Variants in TMED3 observed in about 807,000 individuals in gnomAD.
The protein encoded by TMED3 is transmembrane p24 trafficking protein 3, also known as transmembrane emp24 domain-containing protein 3.
TMED3 carries 9 observed loss-of-function variants against 15.0 expected under a neutral mutation model. That is an observed-to-expected ratio of 0.60 (90% CI 0.36 to 1.04). The LOEUF is 1.04. TMED3 is among the 50% of genes least tolerant of loss of function. The pLI, the probability that TMED3 is intolerant of heterozygous loss-of-function variation, is 0.01. For missense variants in TMED3, 267 were observed against 278.9 expected, an observed-to-expected ratio of 0.96 and a Z score of 0.30; for synonymous variants, 117 against 121.4, an observed-to-expected ratio of 0.96 and a Z score of 0.24.
chr15:79,370,244 C>T (rs1893312189), intron 2 of TMED3, among the ~76,000 whole-genome samples: 1 of 150,178 alleles, frequency 6.7e-6, no homozygotes, highest in African/African-American at 2.5e-5. Context: ...CATGGGCCAC[C>T]ATGCCCAGCT....
rs1002747466 is a variant in TMED3, at chr15:79,336,718, A to C, written c.417+22713A>C. On this transcript the variant is annotated intron_variant, in intron 2 of 2. Coordinates refer to the TMED3 transcript ENST00000424155. ...ACAAACAAACAAACAAACAAACACA[A>C]AAAACAAACAAAGAAAAAAACACAT... Among the ~76,000 whole-genome samples the C allele has an allele frequency of 1.8e-4, 22 of 124,476 alleles. 1 individual carries two copies. The highest frequency in any genetic ancestry group is 8.7e-4 in the South Asian group (3 of 3,468). The allele number at this position is 124,476 out of a possible 152,430, so 81.7% of individuals were successfully genotyped here.
rs1329245665 is a variant in TMED3 at position 79,322,003 on chromosome 15, A to T, written c.443A>T (p.His148Leu). 3 of 1,614,216 alleles carry T rather than the reference A, an allele frequency of 1.9e-6. No individual in the cohort carries two copies. The African/African-American group carries it at 4.0e-5, about 22-fold the overall frequency. Residue 148 changes from histidine to leucine, a missense_variant, in exon 3 of 3, where the codon CAT (histidine) becomes CTT (leucine). Transcript: ENST00000299705. ...TQMESACVTI[H>L]EALKTVIDSQ... The stretch of plus-strand genomic sequence containing the variant: ...ATGGAGTCCGCCTGCGTGACCATCC[A>T]TGAGGCTCTGAAAACGGTGATTGAC...
chr15:79,334,722 G>A (rs2058821333), intron 2 of TMED3, among the ~76,000 whole-genome samples: 1 of 152,158 alleles, frequency 6.6e-6, no homozygotes, highest in African/African-American at 2.4e-5. Context: ...CGCAGGAAAT[G>A]TATTTCGGAA....
intron 2 of TMED3, among the ~76,000 whole-genome samples, chr15:79,405,168 C>G (rs1893887385): frequency 6.6e-6 from 1 of 152,198 alleles, no homozygotes; most frequent in African/African-American, 2.4e-5. Context: ...GGAACTCAGG[C>G]ACACCCAGCA....
At chr15:79,374,374 C>G (rs1330081729) in intron 2 of TMED3, among the ~76,000 whole-genome samples, 1 of 152,086 alleles carries the variant, frequency 6.6e-6, no homozygotes, top group Non-Finnish European at 1.5e-5. Context: ...TTGGATGTCC[C>G]CTCTTCTTAT....
At chr15:79,352,823 C>T (rs2058896536) in intron 2 of TMED3, among the ~76,000 whole-genome samples, 2 of 86,786 alleles carry the variant, frequency 2.3e-5, no homozygotes, top group South Asian at 6.5e-4. Context: ...TTGTATCTTT[C>T]AAAATTTTAT....
chr15:79,371,768 G>C (rs1220089759), intron 2 of TMED3, among the ~76,000 whole-genome samples: 1 of 152,176 alleles, frequency 6.6e-6, no homozygotes, highest in Non-Finnish European at 1.5e-5. Context: ...TTTTACAATA[G>C]TGATGTTATC....
chr15:79,397,965 T>A (rs1893783875), intron 2 of TMED3, among the ~76,000 whole-genome samples: 1 of 152,264 alleles, frequency 6.6e-6, no homozygotes, highest in East Asian at 1.9e-4. Flanking sequence ...TTGTTATAAC[T>A]GATGAATGTA....
intron 2 of TMED3, among the ~76,000 whole-genome samples, chr15:79,367,271 C>T (rs1979967): frequency 0.26 from 39,167 of 152,026 alleles, 5,234 homozygotes; most frequent in East Asian, 0.49. Flanking sequence ...AAGTGGAAAT[C>T]ACTCCAGCAC....
At chr15:79,358,005 G>A (rs1293155331) in intron 2 of TMED3, among the ~76,000 whole-genome samples, 1 of 152,062 alleles carries the variant, frequency 6.6e-6, no homozygotes, top group Non-Finnish European at 1.5e-5. Flanking sequence ...TACCCGTCTC[G>A]GCTTCTCTGT....
At chr15:79,359,710 A>G (rs1893086893) in intron 2 of TMED3, among the ~76,000 whole-genome samples, 1 of 152,232 alleles carries the variant, frequency 6.6e-6, no homozygotes, top group Non-Finnish European at 1.5e-5. Flanking sequence ...AGGTCTCAGA[A>G]AATGGAGAGA....
At chr15:79,398,751 C>G (rs1169247650) in intron 2 of TMED3, among the ~76,000 whole-genome samples, 2 of 152,124 alleles carry the variant, frequency 1.3e-5, no homozygotes, top group East Asian at 3.9e-4. Context: ...CAGACACATC[C>G]AGAAATTGTG....
chr15:79,409,218 G>A (rs1893939969), intron 2 of TMED3, among the ~76,000 whole-genome samples: 1 of 152,234 alleles, frequency 6.6e-6, no homozygotes, highest in Non-Finnish European at 1.5e-5. Flanking sequence ...GACTTTTCTT[G>A]ATGAGCAAAG....
At position 79,406,158 on chromosome 15, in the gene TMED3, C is replaced by G. The variant is rs12594635; in HGVS notation, c.418-5242C>G. Among the ~76,000 whole-genome samples, 39 of 152,260 alleles carry G rather than the reference C, an allele frequency of 2.6e-4. 1 individual carries two copies. In the East Asian group the frequency reaches 5.6e-3, roughly 22 times the overall value. On this transcript the variant is annotated intron_variant, in intron 2 of 2. Transcript: ENST00000424155. ...AGGACCATCACACTTGCACTCTTTC[C>G]ATCTTTGAGGAAGCCACTAGTATTT...
At chr15:79,401,591 T>C (rs1893834557) in intron 2 of TMED3, among the ~76,000 whole-genome samples, 2 of 152,024 alleles carry the variant, frequency 1.3e-5, no homozygotes, top group South Asian at 4.2e-4. Flanking sequence ...CAACTATGAA[T>C]TATCTGTTCC....
intron 2 of TMED3, among the ~76,000 whole-genome samples, chr15:79,376,852 G>A (rs1161112720): frequency 6.6e-6 from 1 of 152,166 alleles, no homozygotes; most frequent in African/African-American, 2.4e-5. Flanking sequence ...GGTCAGTTTG[G>A]TAGTTTTTGC....
rs200305206 is a variant in TMED3, at chr15:79,313,928, G to C, written c.340G>C (p.Val114Leu). The part of the protein sequence containing the change: ...NEFSTFSHKT[V>L]YFDFQVGDEP... ...GTTTTCCACCTTCTCTCACAAGACCGTCTACTTTGACTTTCAAGTGGGCGA... is the reference window on the plus strand; with the variant it reads ...GTTTTCCACCTTCTCTCACAAGACCCTCTACTTTGACTTTCAAGTGGGCGA... Residue 114 changes from valine (V) to leucine (L), a missense_variant, in exon 2 of 3, where the codon GTC becomes CTC. Val to Leu is a conservative substitution (Grantham distance 32). Around this residue, in one of 3 missense-constraint regions of TMED3, gnomAD observed 69 missense variants for 106.8 expected, o/e 0.65. Coordinates refer to ENST00000299705, the MANE Select transcript of TMED3 (RefSeq NM_007364.4). 4 of 1,614,224 alleles carry C rather than the reference G, an allele frequency of 2.5e-6. No individual in the cohort carries two copies. Among genetic ancestry groups the C allele is most frequent in the Admixed American group, 1.7e-5 (1 of 60,030 alleles).
intron 2 of TMED3, among the ~76,000 whole-genome samples, chr15:79,356,715 A>G (rs1027114914): frequency 6.6e-6 from 1 of 152,146 alleles, no homozygotes; most frequent in African/African-American, 2.4e-5. Context: ...ATTCAGTTGA[A>G]AGCATTCATC....
At chr15:79,319,163 T>A (rs961915876) in intron 2 of TMED3, among the ~76,000 whole-genome samples, 10 of 152,368 alleles carry the variant, frequency 6.6e-5, no homozygotes, top group African/African-American at 2.4e-4. Context: ...ACTCTATCAG[T>A]TCCATCTGAT....
Sources: gnomAD v4.1 joint callset for allele counts (sites outside exome capture counted in the v4.1 genomes callset) on GRCh38, gnomAD v4.1.1 for gene constraint, gnomAD v4.1.1 regional missense constraint, MANE v1.5 for transcripts, NCBI Gene and HGNC (gene_info 2026-07-23, HGNC 2026-07-21) for gene names.